Variants in SPIDR observed in about 807,000 individuals in gnomAD.
SPIDR encodes DNA repair-scaffolding protein.
SPIDR carries 93 observed loss-of-function variants against 104.6 expected under a neutral mutation model. The ratio of observed to expected loss-of-function variants is 0.89; its 90% CI spans 0.75 to 1.06. The LOEUF (loss-of-function observed/expected upper bound fraction) is 1.06, where lower values mean the gene tolerates loss of function less well. Ranked by LOEUF, SPIDR falls within the 50% of genes least tolerant of loss-of-function variation. SPIDR has a pLI of 0.00. For synonymous variants in SPIDR, 431 were observed against 416.9 expected, an observed-to-expected ratio of 1.03 and a Z score of -0.41; for missense variants, 1,154 against 1,111.2, an observed-to-expected ratio of 1.04 and a Z score of -0.55.
intron 8 of SPIDR, chr8:47,592,145 T>A (rs1386317157): frequency 7.1e-7 from 1 of 1,410,466 alleles, no homozygotes; most frequent in Non-Finnish European, 1.0e-6. Flanking sequence ...CGGATCAATT[T>A]AAATATTATT....
chr8:47,343,096 G>A (rs2051114049), intron 5 of SPIDR, among the ~76,000 whole-genome samples: 2 of 151,814 alleles, frequency 1.3e-5, no homozygotes, highest in African/African-American at 2.4e-5. Flanking sequence ...GTTTATTGAT[G>A]GTATTTTTTC....
chr8:47,463,522 C>T (rs534919729), intron 8 of SPIDR, among the ~76,000 whole-genome samples: 1 of 152,060 alleles, frequency 6.6e-6, no homozygotes, highest in African/African-American at 2.4e-5. Context: ...TAACTCATTC[C>T]CTGAGGCTAG....
chr8:47,547,359 A>T, intron 8 of SPIDR: 1 of 400,834 alleles, frequency 2.5e-6, no homozygotes, highest in Non-Finnish European at 5.0e-6. Context: ...GGGTTATATC[A>T]GTTCGAACGT....
rs547038171 is a variant in SPIDR, at chr8:47,421,445, T to C, written c.877+13484T>C. Among the ~76,000 whole-genome samples, 13 of 152,342 alleles carry C rather than the reference T, an allele frequency of 8.5e-5. 1 individual carries two copies. The South Asian group carries it at 2.7e-3, about 32-fold the overall frequency. ...GGTTCGTCCTGTCGTTCTCTTGTTG[T>C]GGTTTTTAGCTCCATGAGGTCCTGA... On this transcript the variant is annotated intron_variant, in intron 7 of 19. Coordinates refer to ENST00000297423, the MANE Select transcript of SPIDR (RefSeq NM_001080394.4).
intron 5 of SPIDR, among the ~76,000 whole-genome samples, chr8:47,349,438 A>C (rs981258471): frequency 6.6e-6 from 1 of 152,200 alleles, no homozygotes; most frequent in Admixed American, 6.5e-5. Flanking sequence ...GACCCCCTTG[A>C]GGAGGCAGTG....
intron 5 of SPIDR, among the ~76,000 whole-genome samples, chr8:47,341,550 A>T (rs1245112754): frequency 6.6e-6 from 1 of 151,916 alleles, no homozygotes; most frequent in African/African-American, 2.4e-5. Context: ...TCCATTTTCA[A>T]TTTTTTTTCT....
At chr8:47,620,139 G>A (rs1465859405) in intron 10 of SPIDR, among the ~76,000 whole-genome samples, 4 of 152,176 alleles carry the variant, frequency 2.6e-5, no homozygotes. Context: ...CAGCTGCCAG[G>A]AGTAGTCAAG....
chr8:47,509,363 A>T (rs192884576), intron 8 of SPIDR, among the ~76,000 whole-genome samples: 1 of 152,278 alleles, frequency 6.6e-6, no homozygotes, highest in East Asian at 1.9e-4. Context: ...AGCAGGAGAC[A>T]TGGTAGATCC....
intron 8 of SPIDR, among the ~76,000 whole-genome samples, chr8:47,573,290 G>T (rs1012449886): frequency 4.6e-5 from 7 of 152,192 alleles, no homozygotes; most frequent in Admixed American, 4.6e-4. Flanking sequence ...TATGTTTCAA[G>T]TTAGTGTTAC....
intron 8 of SPIDR, among the ~76,000 whole-genome samples, chr8:47,470,779 G>A (rs542169346): frequency 1.9e-4 from 29 of 151,956 alleles, no homozygotes; most frequent in Admixed American, 1.9e-3. Context: ...CTGTAGCCCA[G>A]GCTGGAGTGC....
At chr8:47,423,059 A>G (rs1419160081) in intron 7 of SPIDR, among the ~76,000 whole-genome samples, 1 of 152,086 alleles carries the variant, frequency 6.6e-6, no homozygotes, top group East Asian at 1.9e-4. Flanking sequence ...TAATCCCAGC[A>G]ATTTGGGAAG....
At chr8:47,273,539 T>A (rs2035760862) in intron 1 of SPIDR, among the ~76,000 whole-genome samples, 1 of 152,106 alleles carries the variant, frequency 6.6e-6, no homozygotes, top group Non-Finnish European at 1.5e-5. Flanking sequence ...CCTCTGTATG[T>A]TCAGCAACTG....
At chr8:47,467,494 A>G (rs2075061710) in intron 8 of SPIDR, among the ~76,000 whole-genome samples, 1 of 152,208 alleles carries the variant, frequency 6.6e-6, no homozygotes, top group African/African-American at 2.4e-5. Context: ...TCCGCAACAC[A>G]TCAAAAAGCT....
At chr8:47,469,056 G>C (rs2075299962) in intron 8 of SPIDR, among the ~76,000 whole-genome samples, 1 of 152,126 alleles carries the variant, frequency 6.6e-6, no homozygotes, top group South Asian at 2.1e-4. Flanking sequence ...CTTTTCAAAA[G>C]AAGACATTCA....
intron 3 of SPIDR, among the ~76,000 whole-genome samples, chr8:47,290,531 GA>G (rs1351525654): frequency 6.6e-6 from 1 of 152,122 alleles, no homozygotes; most frequent in Non-Finnish European, 1.5e-5. Flanking sequence ...AACTATATAT[GA>G]ATCTAATATT....
In SPIDR at chr8:47,416,426, G is replaced by T. The variant is rs1314154183; in HGVS notation, c.877+8465G>T. 1.3e-5 allele frequency among the ~76,000 whole-genome samples: 2 copies of T among 152,118 alleles called. 1 individual carries two copies. Among genetic ancestry groups the T allele is most frequent in the South Asian group, 4.1e-4 (2 of 4,822 alleles). Reference sequence around the variant, plus strand: ...GCCACAGTTTGTTGAACTATTTGTTGATGAAGGGCCTTTGGGTTGTTTCCA... The same window carrying T: ...GCCACAGTTTGTTGAACTATTTGTTTATGAAGGGCCTTTGGGTTGTTTCCA... On this transcript the variant is annotated intron_variant, in intron 7 of 19. Transcript: ENST00000297423.
chr8:47,701,227 G>A (rs1186664732), intron 12 of SPIDR, among the ~76,000 whole-genome samples: 2 of 152,214 alleles, frequency 1.3e-5, no homozygotes, highest in African/African-American at 4.8e-5. Flanking sequence ...GAGGTCGGGA[G>A]TTCAAGATCA....
chr8:47,279,136 C>A (rs930764905), intron 1 of SPIDR: 4 of 157,478 alleles, frequency 2.5e-5, no homozygotes, highest in Non-Finnish European at 2.7e-5. Flanking sequence ...CTCATGGAAT[C>A]CTCCTGCCTT....
intron 9 of SPIDR, among the ~76,000 whole-genome samples, chr8:47,596,882 A>G (rs1374220955): frequency 6.6e-6 from 1 of 151,870 alleles, no homozygotes; most frequent in Admixed American, 6.6e-5. Context: ...CTAAAACACA[A>G]ACATACACAA....
Sources: gnomAD v4.1 joint callset for allele counts (sites outside exome capture counted in the v4.1 genomes callset) on GRCh38, gnomAD v4.1.1 for gene constraint, MANE v1.5 for transcripts, NCBI Gene and HGNC (gene_info 2026-07-23, HGNC 2026-07-21) for gene names.